The following ATAD1 variants were observed in gnomAD, a reference collection of about 807,000 sequenced individuals.
ATAD1 encodes the protein ATPase family AAA domain containing 1.
A neutral mutation model predicts 42.7 loss-of-function variants in ATAD1; 18 were observed. The observed-to-expected ratio is 0.42, with a 90% CI of 0.29 to 0.63. ATAD1 has a LOEUF of 0.63. ATAD1 is among the 20% of genes least tolerant of loss of function. The pLI, the probability that ATAD1 is intolerant of heterozygous loss-of-function variation, is 0.19. For synonymous variants in ATAD1, 132 were observed against 143.1 expected (o/e 0.92, Z 0.55); for missense variants, 294 against 440.4 (o/e 0.67, Z 2.98).
At chr10:87,777,435 T>C (rs1162982034) in intron 5 of ATAD1, among the ~76,000 whole-genome samples, 2 of 152,212 alleles carry the variant, frequency 1.3e-5, no homozygotes, top group African/African-American at 2.4e-5. Flanking sequence ...TTACGTTGTA[T>C]TATAGCTCAG....
chr10:87,798,385 A>G (rs1856502103), intron 2 of ATAD1, among the ~76,000 whole-genome samples: 1 of 152,220 alleles, frequency 6.6e-6, no homozygotes, highest in South Asian at 2.1e-4. Context: ...AACGGAAGTA[A>G]CATGGTCTTT....
At chr10:87,809,781 C>T (rs1380318253) in intron 2 of ATAD1, among the ~76,000 whole-genome samples, 8 of 151,738 alleles carry the variant, frequency 5.3e-5, no homozygotes, top group African/African-American at 9.7e-5. Flanking sequence ...TGAGTATCTG[C>T]GACTACAGGA....
upstream of ATAD1, chr10:87,819,263 C>CAAAAAAAAAAAAAAAAAAAAAAAA (rs57941047): frequency 1.9e-5 from 1 of 53,726 alleles, no homozygotes; most frequent in African/African-American, 7.3e-5. Context: ...ATCGTCTCTA[C>CAAAAAAAAAAAAAAAAAAAAAAAA]AAAAAAAAAA....
chr10:87,752,066 A>G lies in ATAD1; in HGVS notation c.*2621T>C, dbSNP rs1854039849. The G allele has an allele frequency of 6.6e-6, 1 of 152,162 alleles. No homozygotes were observed. The highest frequency in any genetic ancestry group is 2.1e-4 in the South Asian group (1 of 4,828). The allele number at this position is 152,162 out of a possible 1,614,324, so 9.4% of individuals were successfully genotyped here. ...TATTATGATGCATACAGAATAGAGT[A>G]CCCCAACCCAGCTCTTAATGAATGC... On this transcript the variant is annotated 3_prime_UTR_variant, in exon 10 of 10. Coordinates refer to ENST00000680024, the MANE Select transcript of ATAD1 (RefSeq NM_001321967.2).
upstream of ATAD1, among the ~76,000 whole-genome samples, chr10:87,820,800 A>G (rs1466005735): frequency 6.6e-6 from 1 of 152,210 alleles, no homozygotes; most frequent in Non-Finnish European, 1.5e-5. Flanking sequence ...GACATCAAGT[A>G]CATTCATTTT....
At position 87,780,480 on chromosome 10, in the gene ATAD1, T is replaced by C. The variant is rs533980988; in HGVS notation, c.583+3990A>G. Among the ~76,000 whole-genome samples the C allele has an allele frequency of 9.7e-4, 147 of 152,300 alleles. 1 individual carries two copies. The highest frequency in any genetic ancestry group is 3.4e-3 in the Middle Eastern group (1 of 294). On this transcript the variant is annotated intron_variant, in intron 5 of 9. Coordinates refer to ENST00000680024, the MANE Select transcript of ATAD1 (RefSeq NM_001321967.2). ...TACTGGTTCATTATTAAATGTCTCA[T>C]GCTAGTATTAATACTAGGAGAAACT...
At chr10:87,765,444 A>G (rs1275865916) in intron 8 of ATAD1, among the ~76,000 whole-genome samples, 1 of 126,342 alleles carries the variant, frequency 7.9e-6, no homozygotes, top group Non-Finnish European at 1.6e-5. Flanking sequence ...TGGGAGTAGG[A>G]AAGGCCTTTA....
At chr10:87,759,237 A>G (rs1470847673) in intron 8 of ATAD1, among the ~76,000 whole-genome samples, 2 of 152,154 alleles carry the variant, frequency 1.3e-5, no homozygotes, top group Non-Finnish European at 2.9e-5. Flanking sequence ...CACATGCATT[A>G]GGTATCTGTT....
At chr10:87,774,791 A>C (rs561343984) in intron 6 of ATAD1, among the ~76,000 whole-genome samples, 5 of 152,262 alleles carry the variant, frequency 3.3e-5, no homozygotes, top group South Asian at 4.2e-4. Context: ...TCTCTACAAA[A>C]AAAACACCAA....
At chr10:87,755,683 T>TG (rs1227066350) in intron 9 of ATAD1, among the ~76,000 whole-genome samples, 1 of 151,874 alleles carries the variant, frequency 6.6e-6, no homozygotes, top group Non-Finnish European at 1.5e-5. Context: ...CCAAGGCGGG[T>TG]GGATCACCTG....
intron 3 of ATAD1, among the ~76,000 whole-genome samples, chr10:87,791,231 A>G (rs1589516935): frequency 6.6e-6 from 1 of 151,058 alleles, no homozygotes. Context: ...AATTACAACT[A>G]TGTTAAAACT....
intron 1 of ATAD1, among the ~76,000 whole-genome samples, chr10:87,823,656 T>C (rs1248097677): frequency 3.3e-5 from 5 of 152,196 alleles, no homozygotes; most frequent in Non-Finnish European, 7.4e-5. Context: ...TCTCAATTCC[T>C]GTAACAACAG....
intron 1 of ATAD1, among the ~76,000 whole-genome samples, chr10:87,833,853 T>C (rs1857881895): frequency 6.6e-6 from 1 of 151,368 alleles, no homozygotes. Flanking sequence ...TCCTTCTGAG[T>C]AGCTGGGACT....
At chr10:87,838,708 A>G (rs74644777) in intron 1 of ATAD1, among the ~76,000 whole-genome samples, 12,110 of 151,986 alleles carry the variant, frequency 0.08, 566 homozygotes, top group Admixed American at 0.13. Context: ...TGCCCTTGTA[A>G]GAGGAGACAC....
At chr10:87,805,260 C>T (rs1219087540) in intron 2 of ATAD1, among the ~76,000 whole-genome samples, 1 of 152,156 alleles carries the variant, frequency 6.6e-6, no homozygotes, top group African/African-American at 2.4e-5. Context: ...CTTTTCTATT[C>T]TCCAACTAAA....
intron 9 of ATAD1, among the ~76,000 whole-genome samples, chr10:87,755,818 G>A (rs902631483): frequency 6.6e-5 from 10 of 151,934 alleles, no homozygotes; most frequent in Non-Finnish European, 5.9e-5. Context: ...CAGGAGAATC[G>A]CTTGAACCTG....
At chr10:87,776,016 G>C (rs1855288351) in intron 6 of ATAD1, among the ~76,000 whole-genome samples, 1 of 152,110 alleles carries the variant, frequency 6.6e-6, no homozygotes, top group Non-Finnish European at 1.5e-5. Context: ...ACGGACACTA[G>C]TCACTTCCTC....
At chr10:87,819,047 CTA>C (rs1227261491), upstream of ATAD1, 3 of 152,008 alleles carry the variant, frequency 2.0e-5, no homozygotes, top group African/African-American at 7.3e-5. Context: ...GTCGGTGAGA[CTA>C]TGATGTAATG....
At chr10:87,781,938 C>A (rs1253445650) in intron 5 of ATAD1, among the ~76,000 whole-genome samples, 1 of 146,160 alleles carries the variant, frequency 6.8e-6, no homozygotes, top group African/African-American at 2.6e-5. Flanking sequence ...AGCCACCACA[C>A]CTGGCCTGAG....
Sources: allele counts gnomAD v4.1 joint callset (sites outside exome capture counted in the v4.1 genomes callset), GRCh38; gene constraint gnomAD v4.1.1; transcripts MANE v1.5; gene names NCBI Gene and HGNC (gene_info 2026-07-23, HGNC 2026-07-21).